MBOAT1: variants seen among roughly 807,000 people sequenced by gnomAD.
MBOAT1 encodes the protein membrane bound glycerophospholipid O-acyltransferase 1.
A neutral mutation model predicts 64.4 loss-of-function variants in MBOAT1; 67 were observed. That is an observed-to-expected ratio of 1.04 (90% CI 0.85 to 1.27). The LOEUF is 1.27. Among genes scored for constraint, MBOAT1 ranks in the 50% most tolerant of loss-of-function variants. The pLI is 0.00. For missense variants in MBOAT1, 563 were observed against 604.6 expected, an observed-to-expected ratio of 0.93 and a Z score of 0.72; for synonymous variants, 229 against 218.9, an observed-to-expected ratio of 1.05 and a Z score of -0.41.
intron 8 of MBOAT1, among the ~76,000 whole-genome samples, chr6:20,123,588 GA>G (rs1335635774): frequency 2.0e-5 from 3 of 150,762 alleles, no homozygotes; most frequent in Non-Finnish European, 4.4e-5. Context: ...AAAACCAAGT[GA>G]AGTTGAACTT....
intron 11 of MBOAT1, among the ~76,000 whole-genome samples, chr6:20,110,131 G>A (rs1176804301): frequency 2.6e-5 from 4 of 151,450 alleles, no homozygotes; most frequent in East Asian, 2.0e-4. Flanking sequence ...GGCTGGTCTC[G>A]AATTCCTGAC....
chr6:20,116,588 CA>C (rs1325342836), intron 9 of MBOAT1, among the ~76,000 whole-genome samples: 2 of 152,074 alleles, frequency 1.3e-5, no homozygotes, highest in Non-Finnish European at 2.9e-5. Flanking sequence ...GTTTTTATTT[CA>C]AAACTTCAAG....
At chr6:20,161,658 G>A (rs1761865386) in intron 1 of MBOAT1, among the ~76,000 whole-genome samples, 1 of 152,142 alleles carries the variant, frequency 6.6e-6, no homozygotes, top group South Asian at 2.1e-4. Flanking sequence ...TACACAGGAG[G>A]AAAATGAAGA....
intron 1 of MBOAT1, among the ~76,000 whole-genome samples, chr6:20,203,331 T>G (rs574964378): frequency 1.3e-5 from 2 of 151,874 alleles, no homozygotes; most frequent in Non-Finnish European, 2.9e-5. Context: ...CATTTATAAC[T>G]GGAGGTGATG....
chr6:20,142,808 C>G (rs758974355), intron 4 of MBOAT1, among the ~76,000 whole-genome samples: 10 of 152,172 alleles, frequency 6.6e-5, no homozygotes, highest in Non-Finnish European at 1.5e-4. Context: ...AGAAAGCACG[C>G]TCCACAATGT....
Position 20,206,262 on chromosome 6 carries a change from A to G in MBOAT1, c.99+5874T>C, listed in dbSNP as rs141125966. 2.8e-3 allele frequency among the ~76,000 whole-genome samples: 421 copies of G among 151,942 alleles called. 1 individual carries two copies. The highest frequency in any genetic ancestry group is 9.6e-3 in the African/African-American group (399 of 41,428). ...AATCTTGGCTTACTGCAACTTCCCC[A>G]TCCTGGGTTCAAGTGATTCTCTTGC... On this transcript the variant is annotated intron_variant, in intron 1 of 12. Coordinates refer to ENST00000324607, the MANE Select transcript of MBOAT1 (RefSeq NM_001080480.3).
chr6:20,171,760 G>A (rs113147669), intron 1 of MBOAT1, among the ~76,000 whole-genome samples: 5,557 of 152,122 alleles, frequency 0.037, 109 homozygotes, highest in African/African-American at 0.046. Context: ...GAAGCCAGGC[G>A]CAGTGGCTCA....
At chr6:20,134,344 T>C (rs1223005873) in intron 4 of MBOAT1, among the ~76,000 whole-genome samples, 1 of 152,010 alleles carries the variant, frequency 6.6e-6, no homozygotes, top group East Asian at 1.9e-4. Flanking sequence ...GTAAAAGCCA[T>C]ACTGTCATTC....
intron 1 of MBOAT1, among the ~76,000 whole-genome samples, chr6:20,170,178 G>A (rs909085442): frequency 6.6e-6 from 1 of 152,140 alleles, no homozygotes; most frequent in Non-Finnish European, 1.5e-5. Flanking sequence ...CAGTGTCTCT[G>A]CTATGCCATG....
intron 1 of MBOAT1, among the ~76,000 whole-genome samples, chr6:20,211,047 T>C (rs954529806): frequency 5.3e-5 from 8 of 152,184 alleles, no homozygotes; most frequent in Admixed American, 4.6e-4. Context: ...TTCTGTATTC[T>C]GCAACTGATG....
At chr6:20,153,623 A>G (rs1761592665) in intron 1 of MBOAT1, among the ~76,000 whole-genome samples, 1 of 152,216 alleles carries the variant, frequency 6.6e-6, no homozygotes, top group Admixed American at 6.5e-5. Context: ...TTAAACTGGC[A>G]TCCAATAAAC....
At chr6:20,168,414 G>C (rs1156886402) in intron 1 of MBOAT1, among the ~76,000 whole-genome samples, 1 of 151,256 alleles carries the variant, frequency 6.6e-6, no homozygotes, top group African/African-American at 2.4e-5. Flanking sequence ...GCAGTGAGCT[G>C]AGATCACCCC....
At chr6:20,154,640 C>T (rs1014556445) in intron 1 of MBOAT1, among the ~76,000 whole-genome samples, 1 of 152,238 alleles carries the variant, frequency 6.6e-6, no homozygotes, top group African/African-American at 2.4e-5. Context: ...CCTTCACTTT[C>T]TATCTTGACA....
At position 20,099,959 on chromosome 6, in the gene MBOAT1, G is replaced by A. The variant is rs567107352; in HGVS notation, c.*2327C>T. Among the ~76,000 whole-genome samples, 21 of 152,196 alleles carry A rather than the reference G, an allele frequency of 1.4e-4. No individual in the cohort carries two copies. In the South Asian group the frequency reaches 4.4e-3, roughly 32 times the overall value. On this transcript the variant is annotated 3_prime_UTR_variant, in exon 13 of 13. Coordinates refer to ENST00000324607, the MANE Select transcript of MBOAT1 (RefSeq NM_001080480.3). ...ATAAAGCCTCATGTTTGTGTCCCAG[G>A]GCCTAACACCAAGTCTGACATATAG...
In MBOAT1 at chr6:20,212,414, C is replaced by A; in HGVS notation, c.-180G>T. 2 of 608,458 alleles carry A rather than the reference C, an allele frequency of 3.3e-6. No homozygotes were observed. The highest frequency in any genetic ancestry group is 5.7e-6 in the Non-Finnish European group (2 of 353,366). The allele number at this position is 608,458 out of a possible 1,614,324, so 37.7% of individuals were successfully genotyped here. A position where few individuals can be genotyped will look rare whatever the true frequency, so the allele number is the denominator to read the frequency against. On this transcript the variant is annotated 5_prime_UTR_variant, in exon 1 of 13. Coordinates refer to ENST00000324607, the MANE Select transcript of MBOAT1 (RefSeq NM_001080480.3). ...CGCAAACTCTCGAGGCGCAAACTCT[C>A]GAGGCGCAAACTTGGCTTTGGCGCT...
chr6:20,160,397 G>C (rs935411091), intron 1 of MBOAT1, among the ~76,000 whole-genome samples: 5 of 152,162 alleles, frequency 3.3e-5, no homozygotes, highest in African/African-American at 1.2e-4. Context: ...TTTACCAGTG[G>C]CTCACCAATG....
chr6:20,115,493 C>G (rs1442867318), intron 9 of MBOAT1, 141 bp from the exon 10 acceptor site: 1 of 641,786 alleles, frequency 1.6e-6, no homozygotes, highest in East Asian at 2.7e-5. Flanking sequence ...TCAGCTGTTC[C>G]ATCCTACACA....
At chr6:20,160,268 C>T (rs1761811879) in intron 1 of MBOAT1, among the ~76,000 whole-genome samples, 1 of 152,202 alleles carries the variant, frequency 6.6e-6, no homozygotes, top group Admixed American at 6.5e-5. Context: ...TCCAACAAAA[C>T]AGCACACTTT....
At chr6:20,104,348 G>C (rs1171561720) in intron 12 of MBOAT1, among the ~76,000 whole-genome samples, 1 of 152,088 alleles carries the variant, frequency 6.6e-6, no homozygotes, top group African/African-American at 2.4e-5. Context: ...AAGTATAAAA[G>C]GTTCTTCTTT....
Sources: gnomAD v4.1 joint callset for allele counts (sites outside exome capture counted in the v4.1 genomes callset) on GRCh38, gnomAD v4.1.1 for gene constraint, MANE v1.5 for transcripts, NCBI Gene and HGNC (gene_info 2026-07-23, HGNC 2026-07-21) for gene names.